Variants in BICD1 observed in about 807,000 individuals in gnomAD.
The protein encoded by BICD1 is protein bicaudal D homolog 1.
In BICD1, 35 loss-of-function variants were observed where a neutral mutation model predicts 92.5. That is an observed-to-expected ratio of 0.38 (90% CI 0.29 to 0.50). BICD1 has a LOEUF of 0.50. BICD1 is among the 20% of genes least tolerant of loss of function. BICD1 has a pLI of 0.93. For missense variants in BICD1, 950 were observed against 1,189.8 expected (o/e 0.80, Z 2.97); for synonymous variants, 429 against 465.1 (o/e 0.92, Z 1.00).
At chr12:32,237,999 T>C (rs1479426672) in intron 2 of BICD1, among the ~76,000 whole-genome samples, 1 of 152,224 alleles carries the variant, frequency 6.6e-6, no homozygotes, top group Non-Finnish European at 1.5e-5. Flanking sequence ...TTGAAAACCT[T>C]CTGGAAAGGA....
intron 8 of BICD1, among the ~76,000 whole-genome samples, chr12:32,349,489 T>A (rs1295570285): frequency 6.6e-6 from 1 of 152,142 alleles, no homozygotes; most frequent in Admixed American, 6.5e-5. Context: ...AATGAAGAAA[T>A]CCTGGAAGGG....
At chr12:32,241,055 T>C (rs1402055127) in intron 2 of BICD1, among the ~76,000 whole-genome samples, 6 of 152,158 alleles carry the variant, frequency 3.9e-5, no homozygotes, top group African/African-American at 1.4e-4. Flanking sequence ...TACCCTCTTA[T>C]TGTGATGGGC....
At chr12:32,248,736 T>TAGGC (rs1466791070) in intron 2 of BICD1, among the ~76,000 whole-genome samples, 1 of 152,078 alleles carries the variant, frequency 6.6e-6, no homozygotes, top group Non-Finnish European at 1.5e-5. Flanking sequence ...CAGGAGGAAT[T>TAGGC]AGGCACGTGG....
At chr12:32,229,372 C>T (rs1276085099) in intron 2 of BICD1, among the ~76,000 whole-genome samples, 1 of 152,120 alleles carries the variant, frequency 6.6e-6, no homozygotes, top group Non-Finnish European at 1.5e-5. Flanking sequence ...GCACTGAGCC[C>T]TGGGTCACTG....
chr12:32,363,555 T>C (rs1356781741), intron 8 of BICD1, among the ~76,000 whole-genome samples: 2 of 152,220 alleles, frequency 1.3e-5, no homozygotes, highest in Admixed American at 1.3e-4. Context: ...AAAAAGTTTG[T>C]AGTTACAAAG....
At chr12:32,252,221 A>G (rs1946586133) in intron 2 of BICD1, among the ~76,000 whole-genome samples, 1 of 138,242 alleles carries the variant, frequency 7.2e-6, no homozygotes, top group African/African-American at 2.8e-5. Context: ...TATATCTTGT[A>G]TATATTATAT....
intron 3 of BICD1, among the ~76,000 whole-genome samples, chr12:32,300,824 T>TA (rs142986252): frequency 0.096 from 14,530 of 150,896 alleles, 1,669 homozygotes; most frequent in African/African-American, 0.27. Context: ...TTTTTTTTTT[T>TA]GTATTTTTAG....
At chr12:32,358,103 T>C (rs978036646) in intron 8 of BICD1, among the ~76,000 whole-genome samples, 2 of 151,924 alleles carry the variant, frequency 1.3e-5, no homozygotes, top group Admixed American at 1.3e-4. Flanking sequence ...TTGAGTTTGG[T>C]TTGTTTGTTT....
intron 2 of BICD1, among the ~76,000 whole-genome samples, chr12:32,281,963 G>A (rs961253772): frequency 1.3e-5 from 2 of 152,132 alleles, no homozygotes; most frequent in Non-Finnish European, 2.9e-5. Context: ...GGGAAAGATA[G>A]CCAATAAACA....
At chr12:32,149,342 C>T (rs1473972525) in intron 1 of BICD1, among the ~76,000 whole-genome samples, 2 of 152,162 alleles carry the variant, frequency 1.3e-5, no homozygotes, top group African/African-American at 4.8e-5. Flanking sequence ...ATCATTGGTA[C>T]ATAATAATTC....
At chr12:32,114,448 C>T (rs760956212) in intron 1 of BICD1, among the ~76,000 whole-genome samples, 5 of 151,968 alleles carry the variant, frequency 3.3e-5, no homozygotes, top group Admixed American at 6.6e-5. Flanking sequence ...GTGGTGTGAT[C>T]GTGGCTTACT....
intron 1 of BICD1, among the ~76,000 whole-genome samples, chr12:32,181,410 ACT>A (rs1944270011): frequency 6.7e-6 from 1 of 149,438 alleles, no homozygotes; most frequent in South Asian, 2.2e-4. Context: ...ACAGAGCGAG[ACT>A]CTGTCTCAAA....
chr12:32,167,494 C>T (rs1222613737), intron 1 of BICD1, among the ~76,000 whole-genome samples: 1 of 151,922 alleles, frequency 6.6e-6, no homozygotes, highest in East Asian at 1.9e-4. Context: ...CTTGCACTGT[C>T]GCCCAGGCTG....
At chr12:32,228,524 TGGGCAAAGGA>T (rs1446609422) in intron 2 of BICD1, among the ~76,000 whole-genome samples, 1 of 152,192 alleles carries the variant, frequency 6.6e-6, no homozygotes, top group Non-Finnish European at 1.5e-5. Flanking sequence ...AGGAAGGTGC[TGGGCAAAGGA>T]GGAACCTGAC....
At chr12:32,141,901 C>T (rs1942932532) in intron 1 of BICD1, among the ~76,000 whole-genome samples, 3 of 152,140 alleles carry the variant, frequency 2.0e-5, no homozygotes, top group Non-Finnish European at 4.4e-5. Flanking sequence ...TTTTGTTTCT[C>T]CCCAGAGCCT....
chr12:32,221,424 C>T (rs1945526687), intron 2 of BICD1, among the ~76,000 whole-genome samples: 1 of 151,508 alleles, frequency 6.6e-6, no homozygotes, highest in African/African-American at 2.4e-5. Context: ...TGGCTCATGC[C>T]TGTAATCCCA....
intron 2 of BICD1, among the ~76,000 whole-genome samples, chr12:32,261,645 G>A (rs928653540): frequency 1.3e-5 from 2 of 152,232 alleles, no homozygotes; most frequent in African/African-American, 4.8e-5. Context: ...TTTTGATGCT[G>A]GAGGATTCCA....
intron 9 of BICD1, among the ~76,000 whole-genome samples, chr12:32,374,734 AT>A (rs1179747608): frequency 0.14 from 11,524 of 80,058 alleles, 490 homozygotes; most frequent in South Asian, 0.21. Flanking sequence ...CGCCCGGCTA[AT>A]TTTTTTTTTT....
At chr12:32,241,535 A>G (rs1389237887) in intron 2 of BICD1, among the ~76,000 whole-genome samples, 1 of 152,212 alleles carries the variant, frequency 6.6e-6, no homozygotes, top group South Asian at 2.1e-4. Flanking sequence ...AGTATTATTA[A>G]TTAAAAACTT....
Sources: allele counts gnomAD v4.1 joint callset (sites outside exome capture counted in the v4.1 genomes callset), GRCh38; gene constraint gnomAD v4.1.1; transcripts MANE v1.5; gene names NCBI Gene and HGNC (gene_info 2026-07-23, HGNC 2026-07-21).